ARK2C: variants seen among roughly 807,000 people sequenced by gnomAD.
ARK2C encodes arkadia (RNF111) C-terminal like ring finger ubiquitin ligase 2C.
the ARK2C span, among the ~76,000 whole-genome samples, chr18:46,360,365 AATGG>A: frequency 6.6e-6 from 1 of 152,280 alleles, no homozygotes; most frequent in Admixed American, 6.5e-5. Flanking sequence ...TGCTCCCCAC[AATGG>A]TGCTCAAAAT....
At chr18:46,435,230 T>G in the ARK2C span, 382 of 1,499,976 alleles carry the variant, frequency 2.5e-4, no homozygotes, top group Non-Finnish European at 3.2e-4. Flanking sequence ...TCAGAGCTCT[T>G]GAGAACTAGT....
the ARK2C span, among the ~76,000 whole-genome samples, chr18:46,366,632 T>G: frequency 6.6e-6 from 1 of 152,210 alleles, no homozygotes; most frequent in South Asian, 2.1e-4. Context: ...GAGTCATGGC[T>G]GAGAGGAATA....
At chr18:46,421,107 A>T in the ARK2C span, among the ~76,000 whole-genome samples, 1 of 152,194 alleles carries the variant, frequency 6.6e-6, no homozygotes, top group East Asian at 1.9e-4. Context: ...ATGCACACTG[A>T]CCACCTCCGT....
At chr18:46,450,888 G>A in the ARK2C span, 2 of 892,164 alleles carry the variant, frequency 2.2e-6, no homozygotes, top group South Asian at 1.4e-5. Flanking sequence ...TCACAGAGGG[G>A]TGCAGTCCAG....
chr18:46,462,835 C>A, the ARK2C span: 1 of 152,326 alleles, frequency 6.6e-6, no homozygotes, highest in Non-Finnish European at 1.5e-5. Flanking sequence ...AGCCATGGAG[C>A]CAGCTGCACC....
chr18:46,382,874 G>T, the ARK2C span, among the ~76,000 whole-genome samples: 1 of 152,214 alleles, frequency 6.6e-6, no homozygotes, highest in South Asian at 2.1e-4. Flanking sequence ...ATCCCTCCTG[G>T]ACCGTCAGAG....
the ARK2C span, among the ~76,000 whole-genome samples, chr18:46,443,085 CTCTG>C: frequency 6.6e-6 from 1 of 152,174 alleles, no homozygotes; most frequent in Non-Finnish European, 1.5e-5. Context: ...AGTTGACAAT[CTCTG>C]TCTGTTAATT....
the ARK2C span, chr18:46,334,865 T>C: frequency 2.9e-5 from 5 of 174,146 alleles, no homozygotes; most frequent in Non-Finnish European, 6.0e-5. This position sits in a 1 kb window ranked among gnomAD's most constrained non-coding sequence, Gnocchi z 4.4. Flanking sequence ...CCTGGGTCTC[T>C]GCCCTATCCC....
At chr18:46,361,122 A>T in the ARK2C span, among the ~76,000 whole-genome samples, 1 of 152,192 alleles carries the variant, frequency 6.6e-6, no homozygotes, top group South Asian at 2.1e-4. Context: ...TGCCCAGTGT[A>T]AAAAAATTTT....
the ARK2C span, among the ~76,000 whole-genome samples, chr18:46,377,669 G>A: frequency 1.3e-5 from 2 of 152,194 alleles, no homozygotes; most frequent in Non-Finnish European, 2.9e-5. Flanking sequence ...GGAGGTCAGA[G>A]GAGGGTGTCA....
At chr18:46,441,492 A>T in the ARK2C span, among the ~76,000 whole-genome samples, 10,743 of 152,330 alleles carry the variant, frequency 0.071, 426 homozygotes, top group African/African-American at 0.085. Flanking sequence ...TCTGTAATAA[A>T]GCTCCCTCTT....
At chr18:46,350,392 G>A in the ARK2C span, among the ~76,000 whole-genome samples, 70 of 152,332 alleles carry the variant, frequency 4.6e-4, no homozygotes, top group South Asian at 1.2e-3. Flanking sequence ...TGTGGCCTGG[G>A]AGGGCTTCCT....
the ARK2C span, chr18:46,336,606 G>A: frequency 5.1e-6 from 5 of 985,318 alleles, no homozygotes; most frequent in Non-Finnish European, 6.0e-6. Flanking sequence ...GAGTTTGCCA[G>A]CTTAAATCTG....
the ARK2C span, among the ~76,000 whole-genome samples, chr18:46,376,662 A>ACCT: frequency 1.2e-5 from 1 of 83,260 alleles, no homozygotes; most frequent in African/African-American, 4.5e-5. Context: ...CTGGTTAATA[A>ACCT]TCTTTTTTTT....
the ARK2C span, among the ~76,000 whole-genome samples, chr18:46,451,706 G>A: frequency 4.6e-5 from 7 of 152,310 alleles, no homozygotes; most frequent in Non-Finnish European, 8.8e-5. Flanking sequence ...TAGGGAGGCT[G>A]AGGCAAGATA....
chr18:46,395,436 C>T, the ARK2C span, among the ~76,000 whole-genome samples: 47 of 152,324 alleles, frequency 3.1e-4, no homozygotes, highest in East Asian at 7.9e-3. Flanking sequence ...CTAGTAGCAT[C>T]CCTGGCTTGG....
At chr18:46,369,631 C>T in the ARK2C span, among the ~76,000 whole-genome samples, 6 of 152,284 alleles carry the variant, frequency 3.9e-5, no homozygotes, top group East Asian at 9.7e-4. Flanking sequence ...CTGGAGACAG[C>T]TCCTTGCTGG....
chr18:46,456,187 A>T, the ARK2C span: 2 of 741,516 alleles, frequency 2.7e-6, no homozygotes, highest in Non-Finnish European at 4.7e-6. Flanking sequence ...TTGTGCACGT[A>T]TGTGCCAAGT....
At chr18:46,336,795 T>C in the ARK2C span, 1 of 985,464 alleles carries the variant, frequency 1.0e-6, no homozygotes, top group Non-Finnish European at 1.2e-6. Flanking sequence ...TTCAGTTATC[T>C]GGGTGACTAT....
Sources: allele counts gnomAD v4.1 joint callset (sites outside exome capture counted in the v4.1 genomes callset), GRCh38; gene constraint gnomAD v4.1.1; non-coding constraint Gnocchi (gnomAD v3.1); transcripts MANE v1.5; gene names NCBI Gene and HGNC (gene_info 2026-07-23, HGNC 2026-07-21).